STAU2: variants seen among roughly 807,000 people sequenced by gnomAD.
The protein encoded by STAU2 is staufen double-stranded RNA binding protein 2.
A neutral mutation model predicts 65.9 loss-of-function variants in STAU2; 20 were observed. The observed-to-expected ratio is 0.30, with a 90% confidence interval of 0.21 to 0.44. The LOEUF (loss-of-function observed/expected upper bound fraction) is 0.44, where lower values mean the gene tolerates loss of function less well. Among genes scored for constraint, STAU2 ranks in the 20% least tolerant of loss-of-function variants. STAU2 has a pLI of 1.00. For synonymous variants in STAU2, 232 were observed against 233.9 expected (o/e 0.99, Z 0.07); for missense variants, 558 against 683.9 (o/e 0.82, Z 2.05).
At chr8:73,513,832 A>T (rs1367452898) in intron 13 of STAU2, among the ~76,000 whole-genome samples, 1 of 152,170 alleles carries the variant, frequency 6.6e-6, no homozygotes, top group Non-Finnish European at 1.5e-5. Context: ...CCACTCCATC[A>T]GTGAAACTGA....
chr8:73,690,210 T>A (rs1819229556), intron 4 of STAU2, among the ~76,000 whole-genome samples: 1 of 151,006 alleles, frequency 6.6e-6, no homozygotes. Context: ...GTGCCTGTAG[T>A]CCCAGCTACT....
At chr8:73,573,996 A>C (rs147624204) in intron 12 of STAU2, among the ~76,000 whole-genome samples, 5,779 of 152,312 alleles carry the variant, frequency 0.038, 321 homozygotes, top group Admixed American at 0.15. Flanking sequence ...AATTTTTGCA[A>C]TCTACCCATC....
rs531926342 is a variant in STAU2, at chr8:73,426,006, T to C, written c.1531-3304A>G. Among the ~76,000 whole-genome samples the C allele has an allele frequency of 2.0e-5, 3 of 152,314 alleles. No homozygotes were observed. In the South Asian group the frequency reaches 6.2e-4, roughly 32 times the overall value. On this transcript the variant is annotated intron_variant, in intron 13 of 14. Coordinates refer to ENST00000524300, the MANE Select transcript of STAU2 (RefSeq NM_001164380.2). ...CAGGGTTGCACCATGTTGGCCAGGC[T>C]GGTCTTGAACTCCTAGCCTCAAGTG...
rs143192868 is a variant in STAU2, at chr8:73,461,748, C to T, written c.1531-39046G>A. Among the ~76,000 whole-genome samples the T allele has an allele frequency of 3.6e-3, 547 of 152,114 alleles. 1 individual carries two copies. The highest frequency in any genetic ancestry group is 0.02 in the Middle Eastern group (6 of 294). On this transcript the variant is annotated intron_variant, in intron 13 of 14. Coordinates refer to ENST00000524300, the MANE Select transcript of STAU2 (RefSeq NM_001164380.2). ...CAGAAGCCAGGCAGGAACGCAACCG[C>T]GGGCTTTCACCAATCTGTGGAATGT...
chr8:73,591,904 A>C (rs76113476), intron 11 of STAU2, among the ~76,000 whole-genome samples: 50 of 145,070 alleles, frequency 3.4e-4, no homozygotes, highest in Admixed American at 2.0e-3. Context: ...AAAAAAAAAA[A>C]AAAAAAAAAA....
At chr8:73,445,446 A>G (rs1410193687) in intron 13 of STAU2, among the ~76,000 whole-genome samples, 1 of 152,260 alleles carries the variant, frequency 6.6e-6, no homozygotes, top group Non-Finnish European at 1.5e-5. Context: ...AAATTACAAA[A>G]CAAAAAACAA....
chr8:73,743,466 A>AT lies in STAU2; in HGVS notation c.-197+3316dup, dbSNP rs10564049. ...TTAAAAAAGACTTGCCTTCTTTTTA[A>AT]TTTTTTTTTTTTTTTTTTTTTTTGA... On this transcript the variant is annotated intron_variant, in intron 1 of 14. Transcript: ENST00000524300. Among the ~76,000 whole-genome samples the AT allele has an allele frequency of 7.4e-3, 694 of 93,856 alleles. 6 individuals are homozygous for AT. Among genetic ancestry groups the AT allele is most frequent in the Non-Finnish European group, 0.012 (568 of 46,962 alleles). The allele number at this position is 93,856 out of a possible 152,430, so 61.6% of individuals were successfully genotyped here. A position where few individuals can be genotyped will look rare whatever the true frequency, so the allele number is the denominator to read the frequency against.
intron 6 of STAU2, among the ~76,000 whole-genome samples, chr8:73,656,935 T>C (rs192037719): frequency 2.3e-4 from 35 of 152,342 alleles, no homozygotes; most frequent in African/African-American, 7.9e-4. Flanking sequence ...ATTGTTATGC[T>C]GATATCAGAC....
At chr8:73,739,238 A>G (rs2130781061) in intron 2 of STAU2, among the ~76,000 whole-genome samples, 1 of 151,702 alleles carries the variant, frequency 6.6e-6, no homozygotes, top group Admixed American at 6.6e-5. Context: ...ATCTCAAAAA[A>G]AAAAAAAAAA....
At position 73,552,178 on chromosome 8, in the gene STAU2, G is replaced by A. The variant is rs377256202; in HGVS notation, c.1364C>T (p.Ser455Phe). The A allele has an allele frequency of 2.5e-6, 4 of 1,613,988 alleles. No individual in the cohort carries two copies. Among genetic ancestry groups the A allele is most frequent in the South Asian group, 1.1e-5 (1 of 91,078 alleles). Residue 455 changes from serine (S) to phenylalanine (F), a missense_variant, in exon 13 of 15, where the codon TCT (serine) becomes TTT (phenylalanine). Ser to Phe is a radical substitution (Grantham distance 155). This residue lies in a region of STAU2 where 247 missense variants were observed against 270.1 expected (regional missense o/e 0.91). Coordinates refer to ENST00000524300, the MANE Select transcript of STAU2 (RefSeq NM_001164380.2). ...TGTAGCTGAACTATTCGATGTGGGAGATATACTGAAGAAAGAGCTTGAAGG... is the reference window on the plus strand; with the variant it reads ...TGTAGCTGAACTATTCGATGTGGGAAATATACTGAAGAAAGAGCTTGAAGG... Reference protein sequence around the residue: ...NQPSSSFFSISPTSNSSATIA... With the variant: ...NQPSSSFFSIFPTSNSSATIA...
In STAU2 at chr8:73,658,907, C is replaced by T. The variant is rs1416014706; in HGVS notation, c.410+14200G>A. On this transcript the variant is annotated intron_variant, in intron 6 of 14. Transcript: ENST00000524300. ...CAGCCTGGGCGACAGAGAGAAACTC[C>T]GTCTCAAAAAACAACAACAACAACA... 4.1e-5 allele frequency among the ~76,000 whole-genome samples: 6 copies of T among 148,002 alleles called. No individual in the cohort carries two copies. The Admixed American group carries it at 4.1e-4, about 10-fold the overall frequency.
At chr8:73,696,212 TG>T (rs1217415319) in intron 4 of STAU2, among the ~76,000 whole-genome samples, 4 of 152,226 alleles carry the variant, frequency 2.6e-5, no homozygotes, top group Admixed American at 6.5e-5. Flanking sequence ...ACAGCATTGT[TG>T]GGCTTGGGGC....
chr8:73,432,096 A>T (rs1219506027), intron 13 of STAU2, among the ~76,000 whole-genome samples: 2 of 152,240 alleles, frequency 1.3e-5, no homozygotes, highest in African/African-American at 4.8e-5. Flanking sequence ...AGAAATAGAC[A>T]AGTAGTTCCC....
At chr8:73,423,485 G>A (rs1222740760) in intron 13 of STAU2, among the ~76,000 whole-genome samples, 2 of 152,150 alleles carry the variant, frequency 1.3e-5, no homozygotes, top group African/African-American at 2.4e-5. Flanking sequence ...CCCCAAGCCC[G>A]ACACTGCTGA....
At chr8:73,682,771 C>T (rs2130477323) in intron 5 of STAU2, among the ~76,000 whole-genome samples, 1 of 152,044 alleles carries the variant, frequency 6.6e-6, no homozygotes, top group Non-Finnish European at 1.5e-5. Context: ...CAATTAGAAA[C>T]AAACAGGAGA....
chr8:73,712,772 T>C (rs1170742669), intron 3 of STAU2, among the ~76,000 whole-genome samples: 2 of 152,060 alleles, frequency 1.3e-5, no homozygotes, highest in Admixed American at 6.6e-5. Context: ...CTGGACAACA[T>C]AGCGAGACCT....
chr8:73,551,662 C>T, intron 13 of STAU2: 1 of 1,003,496 alleles, frequency 1.0e-6, no homozygotes, highest in Non-Finnish European at 1.2e-6. Context: ...AATACTAACA[C>T]CAAATGTCTG....
intron 9 of STAU2, among the ~76,000 whole-genome samples, chr8:73,608,303 A>G (rs1322097622): frequency 1.3e-5 from 2 of 152,036 alleles, no homozygotes; most frequent in Non-Finnish European, 2.9e-5. Context: ...AAAGGAACCA[A>G]CTTAAAAAAC....
chr8:73,427,878 T>C (rs1585724589), intron 13 of STAU2, among the ~76,000 whole-genome samples: 1 of 152,408 alleles, frequency 6.6e-6, no homozygotes, highest in East Asian at 1.9e-4. Flanking sequence ...GCATAAATTC[T>C]GAAATTTATG....
Sources: gnomAD v4.1 joint callset for allele counts (sites outside exome capture counted in the v4.1 genomes callset) on GRCh38, gnomAD v4.1.1 for gene constraint, gnomAD v4.1.1 regional missense constraint, MANE v1.5 for transcripts, NCBI Gene and HGNC (gene_info 2026-07-23, HGNC 2026-07-21) for gene names.